The following PCDHA2 variants were observed in gnomAD, a reference collection of about 807,000 sequenced individuals.
The protein encoded by PCDHA2 is protocadherin alpha 2, also known as protocadherin alpha-2.
PCDHA2 carries 58 observed loss-of-function variants against 66.0 expected under a neutral mutation model. The observed-to-expected ratio is 0.88, with a 90% CI of 0.71 to 1.09. The LOEUF (loss-of-function observed/expected upper bound fraction) is 1.09. Among genes scored for constraint, PCDHA2 ranks in the 50% least tolerant of loss-of-function variants. PCDHA2 has a pLI of 0.00. For synonymous variants in PCDHA2, 634 were observed against 554.0 expected (o/e 1.14, Z -2.03); for missense variants, 1,267 against 1,242.3 (o/e 1.02, Z -0.30).
chr5:140,869,361 G>T, intron 1 of PCDHA2: 1 of 1,614,146 alleles, frequency 6.2e-7, no homozygotes, highest in Non-Finnish European at 8.5e-7. Context: ...TTTTGTTTGT[G>T]AATTCTCGGA....
At chr5:140,853,925 T>C in intron 1 of PCDHA2, 3 of 909,732 alleles carry the variant, frequency 3.3e-6, no homozygotes, top group Non-Finnish European at 4.0e-6. Context: ...TCCCAACATT[T>C]TGGGAGGCCA....
rs1325743256 is a variant in PCDHA2 at position 140,849,105 on chromosome 5, G to T, written c.2388+51753G>T. 6 of 1,455,392 alleles carry T rather than the reference G, an allele frequency of 4.1e-6. No individual in the cohort carries two copies. The East Asian group carries it at 1.4e-4, about 34-fold the overall frequency. 90.2% of individuals were successfully genotyped at this position (1,455,392 alleles called of 1,614,324 possible). ...ATTACGGAAACTTTTAGACAGAGAA[G>T]AAACTCCGGAGCTTCATTTATTGCT... On this transcript the variant is annotated intron_variant, in intron 1 of 3. Coordinates refer to ENST00000526136, the MANE Select transcript of PCDHA2 (RefSeq NM_018905.3).
chr5:140,942,410 A>T (rs1047414912), intron 1 of PCDHA2, among the ~76,000 whole-genome samples: 3 of 142,238 alleles, frequency 2.1e-5, no homozygotes, highest in Non-Finnish European at 3.1e-5. Context: ...GACTCTGTTT[A>T]AAAAAAAAAA....
chr5:140,839,737 C>T (rs1554137559), intron 1 of PCDHA2, among the ~76,000 whole-genome samples: 1 of 151,964 alleles, frequency 6.6e-6, no homozygotes, highest in Non-Finnish European at 1.5e-5. Flanking sequence ...AGAAAATACC[C>T]TTATTTGCCT....
At chr5:140,836,242 T>C in intron 1 of PCDHA2, 1 of 1,613,606 alleles carries the variant, frequency 6.2e-7, no homozygotes, top group South Asian at 1.1e-5. Flanking sequence ...GGTGCGAGCA[T>C]CCCGTTCCGC....
In PCDHA2 at chr5:140,796,473, G is replaced by T. The variant is rs527553477; in HGVS notation, c.1509G>T (p.Ala503=). 1.9e-6 allele frequency: 3 copies of T among 1,612,230 alleles called. No homozygotes were observed. The East Asian group carries it at 6.7e-5, about 36-fold the overall frequency. ...SLVERRVGER[A]LSSYVSVHAE... is the part of the protein sequence containing the mutation. ...TGGAGCGGCGGGTGGGCGAGCGCGC[G>T]TTGTCGAGCTACGTTTCGGTGCACG... The change falls in exon 1 of 4, where the codon GCG becomes GCT. Residue 503 remains alanine, a synonymous_variant. Transcript: ENST00000526136.
chr5:140,871,017 G>C, intron 1 of PCDHA2: 2 of 1,613,298 alleles, frequency 1.2e-6, no homozygotes, highest in Non-Finnish European at 8.5e-7. Flanking sequence ...CCCTGGACGA[G>C]GCAGACTCGC....
At chr5:141,006,222 T>C (rs1463720721) in intron 3 of PCDHA2, among the ~76,000 whole-genome samples, 1 of 152,098 alleles carries the variant, frequency 6.6e-6, no homozygotes, top group Non-Finnish European at 1.5e-5. Flanking sequence ...TTTTAAATTT[T>C]TTATTTTTAG....
intron 1 of PCDHA2, among the ~76,000 whole-genome samples, chr5:140,908,560 C>T (rs1562965261): frequency 6.6e-6 from 1 of 152,198 alleles, no homozygotes; most frequent in Non-Finnish European, 1.5e-5. Context: ...AGGCCAAGAG[C>T]TGTCTCTCAA....
At chr5:140,896,450 C>G (rs1009231622) in intron 1 of PCDHA2, among the ~76,000 whole-genome samples, 5 of 152,092 alleles carry the variant, frequency 3.3e-5, no homozygotes, top group Admixed American at 1.3e-4. Flanking sequence ...GCAACCTCCA[C>G]CTCCTGGGTT....
At chr5:140,805,260 TA>T (rs1763537076) in intron 1 of PCDHA2, 1 of 1,292,364 alleles carries the variant, frequency 7.7e-7, no homozygotes, top group Non-Finnish European at 9.8e-7. Context: ...AAATACCTGG[TA>T]AATGAAAATA....
chr5:140,818,720 C>G (rs2150102201), intron 1 of PCDHA2, among the ~76,000 whole-genome samples: 1 of 152,242 alleles, frequency 6.6e-6, no homozygotes, highest in African/African-American at 2.4e-5. Flanking sequence ...CACCTGTGGT[C>G]CCAGCTACTT....
chr5:140,807,720 T>TA, intron 1 of PCDHA2: 1 of 1,614,190 alleles, frequency 6.2e-7, no homozygotes, highest in Non-Finnish European at 8.5e-7. Context: ...AATGAATACT[T>TA]TTCTCTGGAA....
chr5:140,968,652 ACCTGGACCT>A lies in PCDHA2; in HGVS notation c.2389-10295_2389-10287del, dbSNP rs1332508740. The A allele has an allele frequency of 1.9e-6, 3 of 1,614,000 alleles. No homozygotes were observed. In the African/African-American group the frequency reaches 4.0e-5, roughly 22 times the overall value. On this transcript the variant is annotated intron_variant, in intron 1 of 3. Transcript: ENST00000526136. ...TTTTACCATCTAGCCCAGACTTCTGACCTGGACCTCTTTAAGGTAGAGCTGCACACAGGA... is the reference window on the plus strand; with the variant it reads ...TTTTACCATCTAGCCCAGACTTCTGACTTTAAGGTAGAGCTGCACACAGGA...
intron 1 of PCDHA2, chr5:140,850,214 T>A (rs1554143992): frequency 6.3e-7 from 1 of 1,593,328 alleles, no homozygotes; most frequent in African/African-American, 1.3e-5. Flanking sequence ...TGAGGGGCAC[T>A]GACGGCGCAG....
chr5:140,927,099 T>G lies in PCDHA2; in HGVS notation c.2389-51850T>G, dbSNP rs782352775. 10 of 1,613,434 alleles carry G rather than the reference T, an allele frequency of 6.2e-6. No homozygotes were observed. In the South Asian group the frequency reaches 7.7e-5, roughly 12 times the overall value. On this transcript the variant is annotated intron_variant, in intron 1 of 3. Coordinates refer to ENST00000526136, the MANE Select transcript of PCDHA2 (RefSeq NM_018905.3). The stretch of plus-strand genomic sequence containing the variant: ...ACCGCGAGCTCTACTTCGGGGTGGA[T>G]CTACCCAGCGGCAATTTGGTGGTCA...
At chr5:140,951,426 A>T (rs1282737926) in intron 1 of PCDHA2, among the ~76,000 whole-genome samples, 1 of 152,068 alleles carries the variant, frequency 6.6e-6, no homozygotes, top group Non-Finnish European at 1.5e-5. Flanking sequence ...ACAGTTCCAC[A>T]GGCTGTAGGA....
chr5:140,897,253 T>C (rs1481151592), intron 1 of PCDHA2, among the ~76,000 whole-genome samples: 1 of 151,928 alleles, frequency 6.6e-6, no homozygotes, highest in East Asian at 1.9e-4. Flanking sequence ...TACATATGTA[T>C]ACATGTGCCA....
chr5:140,820,875 A>C (rs2150108216), intron 1 of PCDHA2, among the ~76,000 whole-genome samples: 8 of 152,070 alleles, frequency 5.3e-5, no homozygotes, highest in Non-Finnish European at 1.2e-4. Context: ...TCTAATTTGA[A>C]AATAGTGCAA....
Sources: allele counts gnomAD v4.1 joint callset (sites outside exome capture counted in the v4.1 genomes callset), GRCh38; gene constraint gnomAD v4.1.1; transcripts MANE v1.5; gene names NCBI Gene and HGNC (gene_info 2026-07-23, HGNC 2026-07-21).